Variants in XRCC4 observed in about 807,000 individuals in gnomAD.
The protein encoded by XRCC4 is X-ray repair cross complementing 4, also known as DNA repair protein XRCC4.
In XRCC4, 28 loss-of-function variants were observed where a neutral mutation model predicts 39.1. The ratio of observed to expected loss-of-function variants is 0.72; its 90% CI spans 0.53 to 0.98. XRCC4 has a LOEUF of 0.98. Ranked by LOEUF, XRCC4 falls within the 50% of genes least tolerant of loss-of-function variation. XRCC4 has a pLI of 0.00. For synonymous variants in XRCC4, 123 were observed against 126.4 expected (o/e 0.97, Z 0.18); for missense variants, 350 against 376.4 (o/e 0.93, Z 0.58).
intron 7 of XRCC4, among the ~76,000 whole-genome samples, chr5:83,293,842 A>G (rs974716797): frequency 2.6e-5 from 4 of 152,064 alleles, no homozygotes; most frequent in African/African-American, 9.7e-5. Context: ...ACAAGTACAG[A>G]AGCAATTCTG....
At chr5:83,192,319 A>ATATATATTTTTT (rs3069585) in intron 3 of XRCC4, among the ~76,000 whole-genome samples, 1 of 143,500 alleles carries the variant, frequency 7.0e-6, no homozygotes, top group African/African-American at 2.6e-5. Context: ...ATATATATAT[A>ATATATATTTTTT]TTTTTTTGAG....
chr5:83,226,616 A>G (rs867882355), intron 6 of XRCC4, among the ~76,000 whole-genome samples: 1 of 152,076 alleles, frequency 6.6e-6, no homozygotes, highest in Non-Finnish European at 1.5e-5. Flanking sequence ...CCTCCTCTCT[A>G]AAAGGAGAAG....
At chr5:83,354,468 C>T (rs949885868), downstream of XRCC4, among the ~76,000 whole-genome samples, 3 of 152,134 alleles carry the variant, frequency 2.0e-5, no homozygotes, top group Admixed American at 1.3e-4. Context: ...TTTATATGTA[C>T]ATACATATAC....
intron 7 of XRCC4, among the ~76,000 whole-genome samples, chr5:83,323,967 T>C (rs1390494944): frequency 6.6e-6 from 1 of 152,088 alleles, no homozygotes; most frequent in African/African-American, 2.4e-5. Context: ...AGGATAAGTT[T>C]ATATCAGTTT....
chr5:83,335,658 AATGCCTGAC>A (rs1187980216), intron 7 of XRCC4, among the ~76,000 whole-genome samples: 2 of 152,070 alleles, frequency 1.3e-5, no homozygotes, highest in Non-Finnish European at 2.9e-5. Context: ...AGGCTAGCAC[AATGCCTGAC>A]ATTTAGAAAA....
intron 7 of XRCC4, among the ~76,000 whole-genome samples, chr5:83,333,794 G>A (rs1203378689): frequency 6.8e-6 from 1 of 146,912 alleles, no homozygotes; most frequent in Non-Finnish European, 1.5e-5. Context: ...TTGGGAGATA[G>A]AGTCTTGCTC....
intron 7 of XRCC4, among the ~76,000 whole-genome samples, chr5:83,273,461 A>G (rs540464816): frequency 1.7e-3 from 255 of 152,282 alleles, no homozygotes; most frequent in Non-Finnish European, 2.4e-3. Context: ...TTTTGTTGCA[A>G]TTGCTTTTGG....
At chr5:83,246,273 C>T (rs1418831926) in intron 6 of XRCC4, among the ~76,000 whole-genome samples, 1 of 152,022 alleles carries the variant, frequency 6.6e-6, no homozygotes, top group South Asian at 2.1e-4. Context: ...GCTAAGATAT[C>T]TGGTAACCAT....
At chr5:83,091,971 T>C (rs1001243899) in intron 1 of XRCC4, among the ~76,000 whole-genome samples, 2 of 152,234 alleles carry the variant, frequency 1.3e-5, no homozygotes, top group African/African-American at 4.8e-5. Flanking sequence ...TAATTTATGT[T>C]CCTACCAACA....
chr5:83,185,192 C>T (rs911539656), intron 3 of XRCC4, among the ~76,000 whole-genome samples: 5 of 151,556 alleles, frequency 3.3e-5, no homozygotes, highest in Admixed American at 2.0e-4. Context: ...GAAGAGTAAA[C>T]GATGGAAAAC....
intron 7 of XRCC4, among the ~76,000 whole-genome samples, chr5:83,341,979 G>A (rs890052192): frequency 4.6e-5 from 7 of 152,176 alleles, no homozygotes; most frequent in Non-Finnish European, 8.8e-5. Context: ...ACAGCAAGCG[G>A]CAGTCAGCTC....
At chr5:83,282,615 A>G (rs1754584929) in intron 7 of XRCC4, among the ~76,000 whole-genome samples, 1 of 152,124 alleles carries the variant, frequency 6.6e-6, no homozygotes, top group African/African-American at 2.4e-5. Context: ...AGGCCAAGGC[A>G]GGTGGATCAC....
intron 6 of XRCC4, among the ~76,000 whole-genome samples, chr5:83,233,025 A>G (rs909144888): frequency 6.6e-6 from 1 of 152,182 alleles, no homozygotes; most frequent in Non-Finnish European, 1.5e-5. Context: ...TTTACCTTCA[A>G]TTAATAACTA....
At chr5:83,138,899 T>C (rs1561355988) in intron 3 of XRCC4, among the ~76,000 whole-genome samples, 2 of 152,128 alleles carry the variant, frequency 1.3e-5, no homozygotes, top group Non-Finnish European at 2.9e-5. Flanking sequence ...AGAGGTAATA[T>C]ATATTTTTTA....
intron 3 of XRCC4, among the ~76,000 whole-genome samples, chr5:83,191,470 C>T (rs1468063892): frequency 3.9e-5 from 6 of 152,066 alleles, no homozygotes; most frequent in Admixed American, 1.3e-4. Flanking sequence ...TTTGGGAGGC[C>T]GAGGTGGGCA....
chr5:83,362,294 C>CAAAAAAAAAAA, the XRCC4 span, among the ~76,000 whole-genome samples: 4 of 73,184 alleles, frequency 5.5e-5, no homozygotes, highest in African/African-American at 2.2e-4. Flanking sequence ...GCTATTTAGG[C>CAAAAAAAAAAA]AAAAAAAAAA....
intron 3 of XRCC4, among the ~76,000 whole-genome samples, chr5:83,186,009 A>G (rs979949989): frequency 2.0e-4 from 31 of 152,262 alleles, no homozygotes; most frequent in Admixed American, 5.9e-4. Flanking sequence ...AACTTCACTG[A>G]CAAACACTTT....
At chr5:83,101,519 CTT>C (rs200460324) in intron 1 of XRCC4, among the ~76,000 whole-genome samples, 1 of 148,236 alleles carries the variant, frequency 6.7e-6, no homozygotes, top group Admixed American at 7.1e-5. Flanking sequence ...GTTTTAATTT[CTT>C]TTTTTTTTGT....
chr5:83,161,334 G>C (rs1749202077), intron 3 of XRCC4, among the ~76,000 whole-genome samples: 1 of 152,082 alleles, frequency 6.6e-6, no homozygotes, highest in Admixed American at 6.5e-5. Flanking sequence ...GTTTCACCTT[G>C]TTGGCCAGGC....
Sources: allele counts gnomAD v4.1 joint callset (sites outside exome capture counted in the v4.1 genomes callset), GRCh38; gene constraint gnomAD v4.1.1; transcripts MANE v1.5; gene names NCBI Gene and HGNC (gene_info 2026-07-23, HGNC 2026-07-21).